Variants in DAB1 observed in about 807,000 individuals in gnomAD.
DAB1 encodes the protein DAB adaptor protein 1, also known as disabled homolog 1.
In DAB1, 15 loss-of-function variants were observed where a neutral mutation model predicts 64.6. The observed-to-expected ratio is 0.23, with a 90% CI of 0.16 to 0.36. DAB1 has a LOEUF of 0.36. DAB1 is among the 10% of genes least tolerant of loss of function. The pLI is 1.00. For synonymous variants in DAB1, 235 were observed against 251.9 expected (o/e 0.93, Z 0.64); for missense variants, 596 against 706.7 (o/e 0.84, Z 1.78).
chr1:57,856,190 G>A (rs1443262738), intron 1 of DAB1, among the ~76,000 whole-genome samples: 1 of 152,044 alleles, frequency 6.6e-6, no homozygotes, highest in Non-Finnish European at 1.5e-5. Context: ...AGAAGAAGCT[G>A]GGGGGTTGCT....
At chr1:57,598,730 GAC>G (rs1558528177) in intron 7 of DAB1, among the ~76,000 whole-genome samples, 2 of 152,146 alleles carry the variant, frequency 1.3e-5, no homozygotes, top group Non-Finnish European at 2.9e-5. Flanking sequence ...GCTTCCGAGA[GAC>G]AGTCTTATTT....
chr1:58,339,253 G>A (rs1663195159), intron 4 of DAB1, among the ~76,000 whole-genome samples: 2 of 152,034 alleles, frequency 1.3e-5, no homozygotes, highest in Admixed American at 1.3e-4. Flanking sequence ...TGAAGGAGAT[G>A]TTCTACAAGA....
chr1:57,421,505 T>C (rs1684880489), intron 1 of DAB1, among the ~76,000 whole-genome samples: 1 of 152,152 alleles, frequency 6.6e-6, no homozygotes, highest in African/African-American at 2.4e-5. Context: ...AGCAGCACCG[T>C]TCCCAAGAAG....
At chr1:57,298,965 C>T (rs976133826) in intron 1 of DAB1, among the ~76,000 whole-genome samples, 4 of 152,218 alleles carry the variant, frequency 2.6e-5, no homozygotes, top group African/African-American at 9.6e-5. Context: ...AAATTGACAC[C>T]GTGGTATCAC....
chr1:58,206,896 C>T (rs1658309740), intron 4 of DAB1, among the ~76,000 whole-genome samples: 2 of 152,152 alleles, frequency 1.3e-5, no homozygotes, highest in Non-Finnish European at 2.9e-5. Flanking sequence ...GGCTTTGTGC[C>T]TTTAATTGGC....
rs574350054 is a variant in DAB1, at chr1:57,462,998, C to T, written n.626-171832G>A. Among the ~76,000 whole-genome samples the T allele has an allele frequency of 8.6e-5, 13 of 152,016 alleles. No individual in the cohort carries two copies. The East Asian group carries it at 2.3e-3, about 27-fold the overall frequency. On this transcript the variant is annotated intron_variant and non_coding_transcript_variant, in intron 7 of 20. Coordinates refer to the DAB1 transcript ENST00000485760. ...AGATAAATAGATTAGTAGGGAAGTA[C>T]CATTAGATCTACAAGAAAAGAAATA...
At chr1:58,382,772 A>AGCTGT (rs1644401305) in intron 3 of DAB1, among the ~76,000 whole-genome samples, 2 of 152,206 alleles carry the variant, frequency 1.3e-5, no homozygotes, top group Non-Finnish European at 2.9e-5. Context: ...AATGACCTTG[A>AGCTGT]GCTGTGTATT....
chr1:58,074,556 A>G (rs1649496566), intron 5 of DAB1: 2 of 61,444 alleles, frequency 3.3e-5, no homozygotes, highest in Non-Finnish European at 5.8e-5. Flanking sequence ...ACACATATAT[A>G]TATGTGTGTA....
At chr1:58,063,933 T>C (rs1648672283) in intron 5 of DAB1, among the ~76,000 whole-genome samples, 1 of 152,212 alleles carries the variant, frequency 6.6e-6, no homozygotes, top group Admixed American at 6.5e-5. Context: ...TGAAATTGCA[T>C]GTGTAAAAGC....
chr1:57,375,150 C>G (rs1401439791), intron 1 of DAB1, among the ~76,000 whole-genome samples: 3 of 152,172 alleles, frequency 2.0e-5, no homozygotes, highest in Non-Finnish European at 4.4e-5. Context: ...TTGAGCTTCA[C>G]CCCACAGAAG....
intron 1 of DAB1, among the ~76,000 whole-genome samples, chr1:57,331,942 A>G (rs763369137): frequency 6.6e-6 from 1 of 152,030 alleles, no homozygotes; most frequent in Admixed American, 6.6e-5. Flanking sequence ...GCTTGCTCTT[A>G]CTCTAAGAGT....
At chr1:58,468,420 T>G (rs958599081) in intron 3 of DAB1, 4 of 152,256 alleles carry the variant, frequency 2.6e-5, no homozygotes, top group Admixed American at 2.0e-4. Context: ...TCATTTTGAC[T>G]GCCCTATAGT....
intron 6 of DAB1, among the ~76,000 whole-genome samples, chr1:57,701,058 G>A (rs9436148): frequency 0.4 from 60,457 of 151,504 alleles, 12,870 homozygotes; most frequent in African/African-American, 0.55. Context: ...GAAACAACAG[G>A]TGCTGGAGAG....
intron 7 of DAB1, among the ~76,000 whole-genome samples, chr1:57,619,044 T>C (rs1645823687): frequency 6.6e-6 from 1 of 152,232 alleles, no homozygotes; most frequent in Admixed American, 6.5e-5. Flanking sequence ...GTATGTTACG[T>C]AGGTGTTTCT....
chr1:58,429,821 C>G (rs903106359), intron 3 of DAB1, among the ~76,000 whole-genome samples: 1 of 132,524 alleles, frequency 7.5e-6, no homozygotes, highest in Non-Finnish European at 1.7e-5. Flanking sequence ...TCTATTCATG[C>G]TGCTATAACA....
At chr1:57,736,944 G>A (rs1207031590) in intron 6 of DAB1, among the ~76,000 whole-genome samples, 1 of 152,184 alleles carries the variant, frequency 6.6e-6, no homozygotes, top group African/African-American at 2.4e-5. Flanking sequence ...CAGGCAAAGG[G>A]AAACCTAAAA....
chr1:57,312,887 A>G (rs866714901), intron 1 of DAB1, among the ~76,000 whole-genome samples: 1 of 151,962 alleles, frequency 6.6e-6, no homozygotes, highest in Non-Finnish European at 1.5e-5. Context: ...GGACGGTTCC[A>G]CACTTGGCCT....
chr1:57,061,387 G>GC (rs1650385515), intron 9 of DAB1, among the ~76,000 whole-genome samples: 2 of 152,142 alleles, frequency 1.3e-5, no homozygotes, highest in South Asian at 4.1e-4. Context: ...TCTTAGGTTT[G>GC]GAAGGGACAT....
chr1:57,572,262 G>A (rs868723542), intron 7 of DAB1, among the ~76,000 whole-genome samples: 2 of 152,058 alleles, frequency 1.3e-5, no homozygotes, highest in South Asian at 2.1e-4. Context: ...TTAAATCCCC[G>A]CCCCACTACT....
Sources: gnomAD v4.1 joint callset for allele counts (sites outside exome capture counted in the v4.1 genomes callset) on GRCh38, gnomAD v4.1.1 for gene constraint, MANE v1.5 for transcripts, NCBI Gene and HGNC (gene_info 2026-07-23, HGNC 2026-07-21) for gene names.